IFI16: variants seen among roughly 807,000 people sequenced by gnomAD.
IFI16 encodes interferon gamma inducible protein 16.
IFI16 carries 49 observed loss-of-function variants against 68.4 expected under a neutral mutation model. That is an observed-to-expected ratio of 0.72 (90% CI 0.57 to 0.91). The LOEUF is 0.91. Ranked by LOEUF, IFI16 falls within the 40% of genes least tolerant of loss-of-function variation. The pLI, the probability that IFI16 is intolerant of heterozygous loss-of-function variation, is 0.00. For missense variants in IFI16, 878 were observed against 942.9 expected, an observed-to-expected ratio of 0.93 and a Z score of 0.90; for synonymous variants, 307 against 315.0, an observed-to-expected ratio of 0.97 and a Z score of 0.27.
At chr1:159,044,210 A>G (rs1654842880) in intron 7 of IFI16, among the ~76,000 whole-genome samples, 1 of 152,194 alleles carries the variant, frequency 6.6e-6, no homozygotes, top group African/African-American at 2.4e-5. Flanking sequence ...TGAGGTGCAA[A>G]GAAATCTTCC....
intron 7 of IFI16, among the ~76,000 whole-genome samples, chr1:159,033,077 T>C (rs1362182671): frequency 1.3e-5 from 2 of 152,132 alleles, no homozygotes; most frequent in Non-Finnish European, 2.9e-5. Context: ...ATTTTCATAG[T>C]TCCAAGTTCC....
At chr1:159,004,150 CTTCTT>C (rs71770027), upstream of IFI16, among the ~76,000 whole-genome samples, 38,694 of 151,662 alleles carry the variant, frequency 0.26, 5,473 homozygotes, top group Middle Eastern at 0.37. Context: ...TTATTTCTCT[CTTCTT>C]AATATATTAA....
chr1:159,000,152 C>A, exon 1 of IFI16: 1 of 185,114 alleles, frequency 5.4e-6, no homozygotes, highest in Admixed American at 5.8e-5. Flanking sequence ...ACCATGCCAG[C>A]GTTTTAAATC....
intron 7 of IFI16, among the ~76,000 whole-genome samples, chr1:159,034,831 C>T (rs1654222935): frequency 6.6e-6 from 1 of 152,104 alleles, no homozygotes; most frequent in African/African-American, 2.4e-5. Context: ...ACCATAAGCT[C>T]AGATGGTAGG....
At chr1:159,012,179 G>A (rs35904745) in intron 1 of IFI16, among the ~76,000 whole-genome samples, 1 of 152,054 alleles carries the variant, frequency 6.6e-6, no homozygotes, top group Admixed American at 6.5e-5. Flanking sequence ...CTTGCAAAAA[G>A]ACTGAGGCCC....
chr1:159,006,621 C>A (rs1473636728), upstream of IFI16, among the ~76,000 whole-genome samples: 2 of 152,036 alleles, frequency 1.3e-5, no homozygotes, highest in Non-Finnish European at 2.9e-5. Flanking sequence ...GGAGTTTGTC[C>A]GACCTTCCCA....
Position 159,032,682 on chromosome 1 carries a change from C to G in IFI16, c.1320C>G (p.Phe440Leu). 6.3e-7 allele frequency: 1 copy of G among 1,591,626 alleles called. No individual in the cohort carries two copies. The highest frequency in any genetic ancestry group is 8.5e-7 in the Non-Finnish European group (1 of 1,172,154). Residue 440 changes from phenylalanine (F) to leucine (L), a missense_variant, in exon 7 of 12, where the codon TTC (phenylalanine) becomes TTG (leucine). Coordinates refer to ENST00000295809, the MANE Select transcript of IFI16 (RefSeq NM_001376587.1). ...CACCAACAACTCCATCCAGCAGTTTCTTCACCAAGGTACAATTTCCTGGGT... is the reference window on the plus strand; with the variant it reads ...CACCAACAACTCCATCCAGCAGTTTGTTCACCAAGGTACAATTTCCTGGGT... ...QMPPTTPSSS[F>L]FTKKSEDTIS...
chr1:159,033,695 AT>A (rs1418389411), intron 7 of IFI16, among the ~76,000 whole-genome samples: 1 of 152,242 alleles, frequency 6.6e-6, no homozygotes, highest in Non-Finnish European at 1.5e-5. Flanking sequence ...TAATGATTAT[AT>A]ATGGCTTTAG....
chr1:159,008,515 G>A (rs537322027), upstream of IFI16, among the ~76,000 whole-genome samples: 20 of 152,250 alleles, frequency 1.3e-4, no homozygotes, highest in African/African-American at 3.9e-4. Context: ...CCCAATTGAG[G>A]ACATTACTGC....
chr1:159,017,676 C>T (rs1332258988), intron 4 of IFI16, among the ~76,000 whole-genome samples: 13 of 152,128 alleles, frequency 8.5e-5, no homozygotes, highest in Non-Finnish European at 4.4e-5. Flanking sequence ...GGCATAATCT[C>T]GGCTCACTGC....
chr1:159,023,908 C>A (rs1385904770), intron 6 of IFI16, among the ~76,000 whole-genome samples: 3 of 152,144 alleles, frequency 2.0e-5, no homozygotes, highest in Non-Finnish European at 4.4e-5. Context: ...GGCTTGCCCT[C>A]GGGGGCGGAC....
At position 159,016,684 on chromosome 1, in the gene IFI16, A is replaced by G. The variant is rs377253353; in HGVS notation, c.533A>G (p.Asn178Ser). Residue 178 changes from asparagine (N) to serine (S), a missense_variant, in exon 4 of 12, where the codon AAC becomes AGC. Transcript: ENST00000295809. ...SPKTSLSAPP[N>S]SSSTENPKTV... ...AAGACCTCATTGTCAGCTCCACCCAACAGTTCTTCAACTGAGGTACACTCT... is the reference window on the plus strand; with the variant it reads ...AAGACCTCATTGTCAGCTCCACCCAGCAGTTCTTCAACTGAGGTACACTCT... 3.1e-6 allele frequency: 5 copies of G among 1,613,416 alleles called. No homozygotes were observed. Among genetic ancestry groups the G allele is most frequent in the African/African-American group, 2.7e-5 (2 of 74,890 alleles).
chr1:159,006,847 C>T (rs1370119894), upstream of IFI16, among the ~76,000 whole-genome samples: 2 of 152,110 alleles, frequency 1.3e-5, no homozygotes, highest in Non-Finnish European at 2.9e-5. Flanking sequence ...ACAAAAAGAC[C>T]AAGGCGATAG....
intron 6 of IFI16, among the ~76,000 whole-genome samples, chr1:159,024,654 C>T (rs1571853320): frequency 1.3e-5 from 2 of 151,926 alleles, no homozygotes; most frequent in African/African-American, 2.4e-5. Flanking sequence ...ATTAGAGGGC[C>T]GGGACATAAA....
intron 6 of IFI16, among the ~76,000 whole-genome samples, chr1:159,031,380 C>A (rs930488840): frequency 6.6e-6 from 1 of 152,122 alleles, no homozygotes; most frequent in African/African-American, 2.4e-5. Context: ...TGTGTTCGGT[C>A]GAAACTTCAG....
chr1:159,025,174 C>T (rs754419581), intron 6 of IFI16, among the ~76,000 whole-genome samples: 5 of 152,264 alleles, frequency 3.3e-5, no homozygotes, highest in Admixed American at 6.5e-5. Context: ...CCCATGGTGA[C>T]GCCTCCCGCT....
intron 4 of IFI16, 129 bp downstream of exon 4, chr1:159,016,829 A>G: frequency 2.5e-6 from 2 of 814,818 alleles, no homozygotes; most frequent in South Asian, 3.4e-5. Flanking sequence ...AGAAACCACT[A>G]CATTTTGATC....
chr1:159,022,377 T>C (rs541249811), intron 6 of IFI16, among the ~76,000 whole-genome samples: 3 of 152,344 alleles, frequency 2.0e-5, no homozygotes, highest in Admixed American at 2.0e-4. Flanking sequence ...ATTTTTATAC[T>C]TTTTGTAGAA....
intron 6 of IFI16, among the ~76,000 whole-genome samples, chr1:159,030,882 G>GT (rs1557872330): frequency 2.8e-5 from 4 of 145,042 alleles, no homozygotes; most frequent in African/African-American, 1.0e-4. Context: ...TGGGTGGGGG[G>GT]GCCACAGAGC....
Sources: allele counts gnomAD v4.1 joint callset (sites outside exome capture counted in the v4.1 genomes callset), GRCh38; gene constraint gnomAD v4.1.1; transcripts MANE v1.5; gene names NCBI Gene and HGNC (gene_info 2026-07-23, HGNC 2026-07-21).